XKR9: variants seen among roughly 807,000 people sequenced by gnomAD.
XKR9 encodes the protein XK-related protein 9.
Under a neutral mutation model 32.0 loss-of-function variants are expected in XKR9, and 32 were observed. That is an observed-to-expected ratio of 1.00 (90% CI 0.76 to 1.34). The LOEUF is 1.34. Ranked by LOEUF, XKR9 falls within the 40% of genes most tolerant of loss-of-function variation. XKR9 has a pLI of 0.00. For missense variants in XKR9, 546 were observed against 429.7 expected, an observed-to-expected ratio of 1.27 and a Z score of -2.39; for synonymous variants, 168 against 143.4, an observed-to-expected ratio of 1.17 and a Z score of -1.22.
downstream of XKR9, among the ~76,000 whole-genome samples, chr8:70,740,905 C>T (rs201386040): frequency 3.3e-5 from 5 of 152,172 alleles, no homozygotes; most frequent in African/African-American, 1.2e-4. Flanking sequence ...TTAGGCTGCT[C>T]GGGGTCAGGG....
the XKR9 span, among the ~76,000 whole-genome samples, chr8:70,808,430 G>A: frequency 6.6e-6 from 1 of 152,182 alleles, no homozygotes; most frequent in Non-Finnish European, 1.5e-5. Context: ...ATCTCACTGG[G>A]GATTGTTGGA....
At chr8:70,875,971 C>T in the XKR9 span, among the ~76,000 whole-genome samples, 1 of 151,942 alleles carries the variant, frequency 6.6e-6, no homozygotes, top group Non-Finnish European at 1.5e-5. Context: ...TCAGAAAAGC[C>T]AGGCACATAA....
At chr8:70,855,723 G>A in the XKR9 span, among the ~76,000 whole-genome samples, 1 of 152,258 alleles carries the variant, frequency 6.6e-6, no homozygotes, top group Non-Finnish European at 1.5e-5. Context: ...AGGGCAGCCA[G>A]AGAGAAAGGT....
the XKR9 span, among the ~76,000 whole-genome samples, chr8:70,866,127 G>A: frequency 6.6e-6 from 1 of 152,144 alleles, no homozygotes; most frequent in African/African-American, 2.4e-5. Context: ...GGGATGCTTT[G>A]CATGTATTAA....
At chr8:70,961,027 G>A in the XKR9 span, among the ~76,000 whole-genome samples, 45 of 152,226 alleles carry the variant, frequency 3.0e-4, no homozygotes, top group South Asian at 1.7e-3. Context: ...AAAATTAGCC[G>A]GGTACGACAG....
At chr8:70,949,627 G>A in the XKR9 span, among the ~76,000 whole-genome samples, 10 of 151,908 alleles carry the variant, frequency 6.6e-5, no homozygotes, top group African/African-American at 1.5e-4. Context: ...AGGTTTGATC[G>A]TGGGGGATGG....
chr8:71,030,076 A>G, the XKR9 span, among the ~76,000 whole-genome samples: 1 of 152,104 alleles, frequency 6.6e-6, no homozygotes, highest in East Asian at 1.9e-4. Context: ...ATAGGACCTA[A>G]GCCAGGAATC....
the XKR9 span, among the ~76,000 whole-genome samples, chr8:70,804,603 G>A: frequency 2.0e-5 from 3 of 152,184 alleles, no homozygotes; most frequent in East Asian, 3.8e-4. Flanking sequence ...GGTGGTAAGT[G>A]TGCTTTTCAT....
chr8:70,702,544 G>A (rs1179943699), intron 3 of XKR9, among the ~76,000 whole-genome samples: 4 of 151,970 alleles, frequency 2.6e-5, no homozygotes, highest in South Asian at 2.1e-4. Flanking sequence ...CTGAGAATGC[G>A]GATTTATCTT....
At chr8:70,713,741 A>G (rs1006417814) in intron 4 of XKR9, among the ~76,000 whole-genome samples, 2 of 152,162 alleles carry the variant, frequency 1.3e-5, no homozygotes, top group South Asian at 2.1e-4. Context: ...GTTAAAACCT[A>G]TATAGTATAG....
the XKR9 span, among the ~76,000 whole-genome samples, chr8:71,008,402 C>T: frequency 1.3e-5 from 2 of 152,156 alleles, no homozygotes; most frequent in East Asian, 3.8e-4. Flanking sequence ...TCTGAAAATG[C>T]CTTCAACATG....
chr8:71,058,188 A>AAAG, the XKR9 span, among the ~76,000 whole-genome samples: 1 of 151,994 alleles, frequency 6.6e-6, no homozygotes, highest in African/African-American at 2.4e-5. Context: ...CAAAAAAAAA[A>AAAG]TAAAATTTAA....
At chr8:70,683,531 A>T (rs1385320411) in intron 3 of XKR9, 1 of 450,004 alleles carries the variant, frequency 2.2e-6, no homozygotes, top group Non-Finnish European at 4.5e-6. Flanking sequence ...TCTGTCACCC[A>T]GGCTGGCCTG....
chr8:70,956,217 G>T, the XKR9 span, among the ~76,000 whole-genome samples: 2 of 152,146 alleles, frequency 1.3e-5, no homozygotes, highest in African/African-American at 4.8e-5. Flanking sequence ...ACAACTGGAG[G>T]GTGAGCAAGG....
chr8:71,034,099 A>ATG, the XKR9 span, among the ~76,000 whole-genome samples: 1 of 152,164 alleles, frequency 6.6e-6, no homozygotes. Context: ...TTCTGAGGCT[A>ATG]GGTCATAAAG....
the XKR9 span, among the ~76,000 whole-genome samples, chr8:70,908,543 G>T: frequency 6.6e-6 from 1 of 152,192 alleles, no homozygotes; most frequent in Non-Finnish European, 1.5e-5. Context: ...TAGATCAGGA[G>T]TTGGCAACTT....
At chr8:70,887,610 G>C in the XKR9 span, among the ~76,000 whole-genome samples, 1 of 152,004 alleles carries the variant, frequency 6.6e-6, no homozygotes. Context: ...TTGAGCAGTG[G>C]TTTGTAGTTC....
chr8:70,689,106 T>A (rs1341176750), intron 3 of XKR9, among the ~76,000 whole-genome samples: 1 of 152,092 alleles, frequency 6.6e-6, no homozygotes, highest in Non-Finnish European at 1.5e-5. Context: ...TGTAAACTTA[T>A]AACAGAAAAA....
chr8:70,986,458 T>C, the XKR9 span, among the ~76,000 whole-genome samples: 2 of 152,244 alleles, frequency 1.3e-5, no homozygotes, highest in Admixed American at 6.5e-5. Context: ...TAGATGTGTT[T>C]TGTTCCTTGA....
Sources: gnomAD v4.1 joint callset for allele counts (sites outside exome capture counted in the v4.1 genomes callset) on GRCh38, gnomAD v4.1.1 for gene constraint, MANE v1.5 for transcripts, NCBI Gene and HGNC (gene_info 2026-07-23, HGNC 2026-07-21) for gene names.